HDAC8: variants seen among roughly 807,000 people sequenced by gnomAD.
HDAC8 encodes histone deacetylase-like 1.
A neutral mutation model predicts 32.2 loss-of-function variants in HDAC8; 1 was observed. That is an observed-to-expected ratio of 0.03 (90% confidence interval 0.01 to 0.15). The LOEUF (loss-of-function observed/expected upper bound fraction) is 0.15, where lower values mean the gene tolerates loss of function less well. Among genes scored for constraint, HDAC8 ranks in the 10% least tolerant of loss-of-function variants. The probability of loss-of-function intolerance (pLI) is 1.00; values close to 1 mark genes in which losing one functional copy is unlikely to be tolerated. For synonymous variants in HDAC8, 108 were observed against 113.9 expected (o/e 0.95, Z 0.33); for missense variants, 117 against 300.0 (o/e 0.39, Z 4.51).
intron 5 of HDAC8, among the ~76,000 whole-genome samples, chrX:72,493,102 C>T (rs1260165867): frequency 9.0e-6 from 1 of 111,188 alleles, no homozygotes; most frequent in East Asian, 2.8e-4. Flanking sequence ...ATGGGTAGAC[C>T]TTGGGACAGG....
chrX:72,339,252 A>C (rs2043822231), intron 10 of HDAC8, among the ~76,000 whole-genome samples: 1 of 112,006 alleles, frequency 8.9e-6, no homozygotes, highest in South Asian at 3.7e-4. Flanking sequence ...TTTTCTGTCC[A>C]TTTATTGCCT....
intron 4 of HDAC8, among the ~76,000 whole-genome samples, chrX:72,546,268 C>T (rs1272320368): frequency 9.0e-6 from 1 of 111,413 alleles, no homozygotes; most frequent in Non-Finnish European, 1.9e-5. Context: ...AGTAATTTCT[C>T]CCTCTCTTAG....
At chrX:72,521,556 T>G (rs1325854800) in intron 4 of HDAC8, among the ~76,000 whole-genome samples, 2 of 110,726 alleles carry the variant, frequency 1.8e-5, no homozygotes, top group African/African-American at 6.6e-5. Context: ...AGGGAAACCT[T>G]GTTCACCAGA....
intron 9 of HDAC8, among the ~76,000 whole-genome samples, chrX:72,421,473 T>C (rs1359578651): frequency 8.9e-6 from 1 of 111,978 alleles, no homozygotes; most frequent in Non-Finnish European, 1.9e-5. Flanking sequence ...TGGTTTTCTG[T>C]TCTTGTATTA....
intron 9 of HDAC8, among the ~76,000 whole-genome samples, chrX:72,446,271 G>T (rs1431487525): frequency 8.9e-6 from 1 of 112,057 alleles, no homozygotes; most frequent in Non-Finnish European, 1.9e-5. Context: ...AATAGCAAAG[G>T]CTTGGAACCA....
At chrX:72,360,341 C>T (rs1357398236) in intron 9 of HDAC8, among the ~76,000 whole-genome samples, 1 of 107,663 alleles carries the variant, frequency 9.3e-6, no homozygotes, top group Non-Finnish European at 1.9e-5. Context: ...GGTGACAGAG[C>T]GAGACTCCGT....
At chrX:72,442,384 C>T (rs1344903877) in intron 9 of HDAC8, among the ~76,000 whole-genome samples, 2 of 111,742 alleles carry the variant, frequency 1.8e-5, no homozygotes, top group African/African-American at 6.5e-5. Context: ...CAACATTCAA[C>T]ATTCTTAAAG....
At chrX:72,467,671 C>CTG in intron 7 of HDAC8, 3 of 259,177 alleles carry the variant, frequency 1.2e-5, no homozygotes, top group Non-Finnish European at 6.7e-6. Flanking sequence ...ATGTGTGCAT[C>CTG]TGTGTGTGTG....
chrX:72,550,873 A>G (rs1407265251), intron 4 of HDAC8, among the ~76,000 whole-genome samples: 2 of 111,064 alleles, frequency 1.8e-5, no homozygotes, highest in African/African-American at 6.5e-5. Flanking sequence ...AACTGCCCTC[A>G]AGTGTTTGCT....
chrX:72,541,918 A>G lies in HDAC8; in HGVS notation c.437+25971T>C, dbSNP rs185544701. On this transcript the variant is annotated intron_variant, in intron 4 of 10. Transcript: ENST00000373573. ...CTCTCTACCACCTTCTCCTGCCTAT[A>G]CATTTTACCCACTCAGATTTCTCTC... 9.8e-5 allele frequency among the ~76,000 whole-genome samples: 11 copies of G among 111,996 alleles called. No homozygotes were observed. In the East Asian group the frequency reaches 3.1e-3, roughly 31 times the overall value.
intron 8 of HDAC8, among the ~76,000 whole-genome samples, chrX:72,463,925 GGTGGTAGAT>G (rs2047936832): frequency 8.9e-6 from 1 of 112,095 alleles, no homozygotes; most frequent in Admixed American, 9.5e-5. Context: ...CATCTTTAAA[GGTGGTAGAT>G]GTTGTGACAA....
At chrX:72,560,324 G>A (rs1399162863) in intron 4 of HDAC8, among the ~76,000 whole-genome samples, 25 of 109,699 alleles carry the variant, frequency 2.3e-4, no homozygotes, top group African/African-American at 6.6e-4. Context: ...GATTAAGGGC[G>A]TTGCAAGATG....
intron 7 of HDAC8, chrX:72,473,895 G>A (rs2048254981): frequency 1.1e-5 from 8 of 752,810 alleles, no homozygotes; most frequent in Non-Finnish European, 1.3e-5. Flanking sequence ...CAGCTCTTCC[G>A]TGATGTGGTT....
chrX:72,453,005 A>G (rs2047611378), intron 9 of HDAC8, among the ~76,000 whole-genome samples: 1 of 111,470 alleles, frequency 9.0e-6, no homozygotes, highest in Non-Finnish European at 1.9e-5. Flanking sequence ...TGGAAATTCT[A>G]GAGATGAAAA....
intron 10 of HDAC8, among the ~76,000 whole-genome samples, chrX:72,350,459 T>G (rs1312059908): frequency 9.0e-6 from 1 of 111,290 alleles, no homozygotes; most frequent in Non-Finnish European, 1.9e-5. Flanking sequence ...AACTCCAGCA[T>G]AGAACAGGCC....
intron 4 of HDAC8, among the ~76,000 whole-genome samples, chrX:72,500,852 G>A (rs1382721444): frequency 9.0e-6 from 1 of 111,673 alleles, no homozygotes; most frequent in Non-Finnish European, 1.9e-5. Context: ...AGATGACATG[G>A]TTCTATATCT....
intron 9 of HDAC8, among the ~76,000 whole-genome samples, chrX:72,442,457 A>T (rs1602866705): frequency 9.0e-6 from 1 of 111,619 alleles, no homozygotes; most frequent in Admixed American, 9.5e-5. Flanking sequence ...TGAAGGAGAA[A>T]CAAAATCCTT....
chrX:72,368,675 C>T (rs2044776596), intron 9 of HDAC8, among the ~76,000 whole-genome samples: 1 of 112,460 alleles, frequency 8.9e-6, no homozygotes, highest in Non-Finnish European at 1.9e-5. Context: ...CCTTTTACAG[C>T]CCTCTGGCCT....
chrX:72,538,684 T>C lies in HDAC8; in HGVS notation c.437+29205A>G, dbSNP rs782371188. Among the ~76,000 whole-genome samples the C allele has an allele frequency of 2.7e-5, 3 of 111,706 alleles. 1 individual carries two copies. The South Asian group carries it at 1.1e-3, about 42-fold the overall frequency. ...ACAACAGAAAACAAATAGAAAGGCT[T>C]ACTCTGGAGTCTATACTGTATTAGA... On this transcript the variant is annotated intron_variant, in intron 4 of 10. Transcript: ENST00000373573.
Sources: allele counts gnomAD v4.1 joint callset (sites outside exome capture counted in the v4.1 genomes callset), GRCh38; gene constraint gnomAD v4.1.1; transcripts MANE v1.5; gene names NCBI Gene and HGNC (gene_info 2026-07-23, HGNC 2026-07-21).